The following ZFHX3 variants were observed in gnomAD, a reference collection of about 807,000 sequenced individuals.
ZFHX3 encodes the protein zinc finger homeobox protein 3.
A neutral mutation model predicts 279.1 loss-of-function variants in ZFHX3; 42 were observed. The ratio of observed to expected loss-of-function variants is 0.15; its 90% CI spans 0.12 to 0.19. The LOEUF is 0.19. Ranked by LOEUF, ZFHX3 falls within the 10% of genes least tolerant of loss-of-function variation. The pLI is 1.00. For synonymous variants in ZFHX3, 2,293 were observed against 1,957.8 expected (o/e 1.17, Z -4.52); for missense variants, 4,981 against 4,754.0 (o/e 1.05, Z -1.40).
At chr16:72,990,580 G>T (rs1808532084) in intron 1 of ZFHX3, among the ~76,000 whole-genome samples, 1 of 152,168 alleles carries the variant, frequency 6.6e-6, no homozygotes, top group South Asian at 2.1e-4. Flanking sequence ...CACCCTGGAG[G>T]AGCTGAGCAC....
intron 6 of ZFHX3, among the ~76,000 whole-genome samples, chr16:73,142,507 C>T (rs935597914): frequency 6.6e-6 from 1 of 152,170 alleles, no homozygotes; most frequent in East Asian, 1.9e-4. Flanking sequence ...GTTTCTCCCC[C>T]CATCGGCAGG....
At chr16:73,625,210 C>T (rs543857659) in intron 2 of ZFHX3, among the ~76,000 whole-genome samples, 20 of 152,276 alleles carry the variant, frequency 1.3e-4, no homozygotes, top group South Asian at 2.1e-4. Context: ...TTGTAAATTA[C>T]GCATGCAAAG....
At chr16:73,485,084 CA>C (rs1470073209) in intron 2 of ZFHX3, among the ~76,000 whole-genome samples, 3 of 152,078 alleles carry the variant, frequency 2.0e-5, no homozygotes, top group African/African-American at 7.2e-5. Context: ...TGGCTAGTTG[CA>C]TGCATTTGGG....
At chr16:73,211,669 T>A (rs1283863046) in intron 5 of ZFHX3, among the ~76,000 whole-genome samples, 4 of 151,924 alleles carry the variant, frequency 2.6e-5, no homozygotes, top group African/African-American at 9.7e-5. Flanking sequence ...AAAGAATCTA[T>A]GTTTTTTTTT....
intron 5 of ZFHX3, among the ~76,000 whole-genome samples, chr16:73,193,566 T>C (rs1968086613): frequency 6.6e-6 from 1 of 152,168 alleles, no homozygotes; most frequent in South Asian, 2.1e-4. Flanking sequence ...AGTTAAGGTA[T>C]ATATTATCTG....
At chr16:73,000,226 C>G (rs1265910472) in intron 1 of ZFHX3, among the ~76,000 whole-genome samples, 3 of 152,204 alleles carry the variant, frequency 2.0e-5, no homozygotes, top group Non-Finnish European at 4.4e-5. Flanking sequence ...GACCTGTCCC[C>G]AGGGCACTGG....
chr16:73,464,136 T>C (rs989567974), intron 2 of ZFHX3, among the ~76,000 whole-genome samples: 9 of 152,108 alleles, frequency 5.9e-5, no homozygotes, highest in Non-Finnish European at 8.8e-5. Context: ...TGGGAATTAT[T>C]ACTAATTTGT....
Position 72,959,245 on chromosome 16 carries a change from C to T in ZFHX3, c.901G>A (p.Ala301Thr), listed in dbSNP as rs750966471. ...AGGGTCATTCGATGGTCATGCACCG[C>T]GTGGGTCACAAACGAACGGACGTAC... ...FGYVRSFVTH[A>T]VHDHRMTLSE... The change falls in exon 2 of 10, where the codon GCG becomes ACG. Residue 301 changes from alanine to threonine, a missense_variant. By Grantham distance (58) the Ala-to-Thr change is moderately conservative. Around this residue, in one of 7 missense-constraint regions of ZFHX3, gnomAD observed 1,068 missense variants for 935.2 expected, o/e 1.14. Transcript: ENST00000268489. The T allele has an allele frequency of 9.9e-6, 16 of 1,614,162 alleles. No individual in the cohort carries two copies. The highest frequency in any genetic ancestry group is 1.3e-5 in the Non-Finnish European group (15 of 1,180,036).
At chr16:73,157,737 G>C (rs1036744548) in intron 5 of ZFHX3, among the ~76,000 whole-genome samples, 1 of 152,120 alleles carries the variant, frequency 6.6e-6, no homozygotes, top group Admixed American at 6.5e-5. Flanking sequence ...AATGACCCCA[G>C]TCATTAAGAT....
At chr16:73,588,712 A>C (rs551001073) in intron 2 of ZFHX3, among the ~76,000 whole-genome samples, 151 of 151,330 alleles carry the variant, frequency 1.0e-3, no homozygotes, top group South Asian at 1.9e-3. Context: ...CAAAACAAAA[A>C]AAAAAAAAAC....
chr16:73,198,310 T>C (rs1268560908), intron 5 of ZFHX3, among the ~76,000 whole-genome samples: 4 of 151,932 alleles, frequency 2.6e-5, no homozygotes, highest in Admixed American at 1.3e-4. Flanking sequence ...ATGAATACCA[T>C]TGGTTACTTT....
chr16:72,948,598 C>CCTGG (rs1960823292), intron 3 of ZFHX3, among the ~76,000 whole-genome samples: 3 of 152,128 alleles, frequency 2.0e-5, no homozygotes, highest in African/African-American at 7.2e-5. Flanking sequence ...GACTCTTATT[C>CCTGG]AAGACTCCAG....
At chr16:73,256,897 C>T (rs767377314) in intron 5 of ZFHX3, 1 of 151,952 alleles carries the variant, frequency 6.6e-6, no homozygotes, top group Admixed American at 6.6e-5. Flanking sequence ...TTTGGATTAT[C>T]ATCCAAATGC....
intron 2 of ZFHX3, among the ~76,000 whole-genome samples, chr16:73,611,632 G>T (rs1011803191): frequency 6.6e-6 from 1 of 152,164 alleles, no homozygotes; most frequent in Non-Finnish European, 1.5e-5. Flanking sequence ...AAATTATCCA[G>T]TGAAGGTCTA....
intron 2 of ZFHX3, among the ~76,000 whole-genome samples, chr16:73,637,130 T>C (rs1275136590): frequency 6.6e-6 from 1 of 152,070 alleles, no homozygotes; most frequent in Non-Finnish European, 1.5e-5. Context: ...TAATGTGGCA[T>C]TTCAAATCAA....
At chr16:73,070,937 C>T (rs1965818430) in intron 8 of ZFHX3, among the ~76,000 whole-genome samples, 1 of 8,914 alleles carries the variant, frequency 1.1e-4, no homozygotes, top group Non-Finnish European at 9.4e-4. Flanking sequence ...CGCGCGCGCG[C>T]GCACACACAC....
intron 1 of ZFHX3, among the ~76,000 whole-genome samples, chr16:73,795,092 T>C (rs1312728242): frequency 6.6e-6 from 1 of 152,170 alleles, no homozygotes; most frequent in Non-Finnish European, 1.5e-5. Context: ...TACTTCAAAC[T>C]GACTCCTCTC....
Position 73,838,721 on chromosome 16 carries a change from C to T in ZFHX3, c.-1608+52930G>A, listed in dbSNP as rs959333805. 2.0e-5 allele frequency among the ~76,000 whole-genome samples: 3 copies of T among 151,930 alleles called. No homozygotes were observed. The South Asian group carries it at 6.2e-4, about 32-fold the overall frequency. Reference sequence around the variant, plus strand: ...TGTGATTTAGTGAGGTTCTGCAAGTCAACTGCTACTGTGTGTGTGTGCGCA... The same window carrying T: ...TGTGATTTAGTGAGGTTCTGCAAGTTAACTGCTACTGTGTGTGTGTGCGCA... On this transcript the variant is annotated intron_variant, in intron 1 of 17. Transcript: ENST00000641206.
At chr16:73,682,516 T>A (rs1247808939) in intron 1 of ZFHX3, among the ~76,000 whole-genome samples, 1 of 152,030 alleles carries the variant, frequency 6.6e-6, no homozygotes, top group Non-Finnish European at 1.5e-5. Flanking sequence ...CCGGGTGCGG[T>A]GGCTCACGCC....
Sources: allele counts gnomAD v4.1 joint callset (sites outside exome capture counted in the v4.1 genomes callset), GRCh38; gene constraint gnomAD v4.1.1; regional missense constraint gnomAD v4.1.1; transcripts MANE v1.5; gene names NCBI Gene and HGNC (gene_info 2026-07-23, HGNC 2026-07-21).